Variants in GRID1 observed in about 807,000 individuals in gnomAD.
The protein encoded by GRID1 is glutamate receptor ionotropic, delta-1.
Under a neutral mutation model 98.0 loss-of-function variants are expected in GRID1, and 28 were observed. The ratio of observed to expected loss-of-function variants is 0.29; its 90% CI spans 0.21 to 0.39. The LOEUF (loss-of-function observed/expected upper bound fraction) is 0.39, where lower values mean the gene tolerates loss of function less well. Among genes scored for constraint, GRID1 ranks in the 10% least tolerant of loss-of-function variants. The probability of loss-of-function intolerance (pLI) is 1.00; values close to 1 mark genes in which losing one functional copy is unlikely to be tolerated. For missense variants in GRID1, 1,111 were observed against 1,340.5 expected (o/e 0.83, Z 2.67); for synonymous variants, 553 against 538.5 (o/e 1.03, Z -0.37).
At chr10:85,936,388 T>A (rs1841925878) in intron 4 of GRID1, among the ~76,000 whole-genome samples, 1 of 152,244 alleles carries the variant, frequency 6.6e-6, no homozygotes, top group Non-Finnish European at 1.5e-5. Flanking sequence ...AGAGCTGATA[T>A]AAGAGGCAGC....
intron 2 of GRID1, among the ~76,000 whole-genome samples, chr10:86,227,796 A>C (rs950783326): frequency 3.3e-5 from 5 of 151,992 alleles, no homozygotes; most frequent in Non-Finnish European, 5.9e-5. Flanking sequence ...TGCTCCATGC[A>C]CCGTTCCCAC....
At chr10:86,027,713 A>G (rs912689428) in intron 4 of GRID1, among the ~76,000 whole-genome samples, 16 of 152,182 alleles carry the variant, frequency 1.1e-4, no homozygotes, top group African/African-American at 3.9e-4. Flanking sequence ...GCCACAGCTG[A>G]CGGCTTCCAG....
At chr10:85,994,757 G>A (rs1167694272) in intron 4 of GRID1, among the ~76,000 whole-genome samples, 1 of 152,136 alleles carries the variant, frequency 6.6e-6, no homozygotes, top group Non-Finnish European at 1.5e-5. Flanking sequence ...GAAAAGAGTA[G>A]GTAAGATGGC....
intron 2 of GRID1, among the ~76,000 whole-genome samples, chr10:86,355,976 G>A (rs921289554): frequency 1.3e-5 from 2 of 152,230 alleles, no homozygotes; most frequent in South Asian, 2.1e-4. Flanking sequence ...GTCCAGCTAC[G>A]GGGACAGGGG....
intron 8 of GRID1, among the ~76,000 whole-genome samples, chr10:85,741,613 T>C (rs1841943802): frequency 6.6e-6 from 1 of 152,158 alleles, no homozygotes; most frequent in African/African-American, 2.4e-5. Flanking sequence ...TCAGTTTCTT[T>C]TTTATGCACT....
chr10:85,963,314 C>T (rs1842294258), intron 4 of GRID1, among the ~76,000 whole-genome samples: 1 of 152,152 alleles, frequency 6.6e-6, no homozygotes, highest in African/African-American at 2.4e-5. Context: ...CTTCCTTTCT[C>T]CACTGCCACT....
At chr10:85,940,250 T>G (rs1277611746) in intron 4 of GRID1, among the ~76,000 whole-genome samples, 4 of 152,110 alleles carry the variant, frequency 2.6e-5, no homozygotes, top group African/African-American at 4.8e-5. Context: ...TCCCCAAGAC[T>G]CTCTTGTTTT....
intron 9 of GRID1, 59 bp downstream of exon 9, chr10:85,729,454 C>G: frequency 1.1e-6 from 1 of 941,914 alleles, no homozygotes; most frequent in South Asian, 1.4e-5. Context: ...CAGAAAGCAG[C>G]CTCTGATTCA....
At chr10:85,883,967 C>G (rs1841075696) in intron 5 of GRID1, among the ~76,000 whole-genome samples, 1 of 152,140 alleles carries the variant, frequency 6.6e-6, no homozygotes, top group Non-Finnish European at 1.5e-5. Context: ...TCTCATCAGG[C>G]TCCACATTTG....
intron 3 of GRID1, among the ~76,000 whole-genome samples, chr10:86,177,281 A>G (rs1845588724): frequency 6.6e-6 from 1 of 151,962 alleles, no homozygotes; most frequent in African/African-American, 2.4e-5. Context: ...TCTTTTCCCT[A>G]CTCCCTCCAA....
At chr10:86,106,523 G>C (rs1844389270) in intron 4 of GRID1, among the ~76,000 whole-genome samples, 1 of 151,816 alleles carries the variant, frequency 6.6e-6, no homozygotes, top group African/African-American at 2.4e-5. Context: ...CCTGCTTCAG[G>C]TGTGGGGATG....
chr10:86,094,367 A>T (rs1844190918), intron 4 of GRID1, among the ~76,000 whole-genome samples: 1 of 152,198 alleles, frequency 6.6e-6, no homozygotes, highest in South Asian at 2.1e-4. Context: ...CAAGAGAAAG[A>T]AATAAAGGGC....
intron 2 of GRID1, among the ~76,000 whole-genome samples, chr10:86,328,356 A>T (rs1848083384): frequency 6.6e-6 from 1 of 152,162 alleles, no homozygotes; most frequent in South Asian, 2.1e-4. Flanking sequence ...TTTCATAATG[A>T]GATGTGTTTG....
At chr10:86,285,201 A>G (rs893523674) in intron 2 of GRID1, among the ~76,000 whole-genome samples, 5 of 151,620 alleles carry the variant, frequency 3.3e-5, no homozygotes, top group African/African-American at 4.9e-5. Context: ...TCCACAGCCT[A>G]TGAGGCCCTG....
intron 5 of GRID1, among the ~76,000 whole-genome samples, chr10:85,881,170 A>C (rs947766872): frequency 3.9e-5 from 6 of 152,246 alleles, no homozygotes; most frequent in Non-Finnish European, 7.3e-5. Flanking sequence ...GCTAGGAAGA[A>C]TCAATATCGT....
intron 2 of GRID1, among the ~76,000 whole-genome samples, chr10:86,220,858 G>A (rs1314426106): frequency 6.6e-6 from 1 of 152,234 alleles, no homozygotes; most frequent in Non-Finnish European, 1.5e-5. Context: ...CCAGGTGTCG[G>A]GGGTGCGCCA....
chr10:86,052,218 A>G lies in GRID1; in HGVS notation c.726+86601T>C, dbSNP rs866258226. 3.3e-5 allele frequency among the ~76,000 whole-genome samples: 5 copies of G among 152,352 alleles called. No individual in the cohort carries two copies. The Middle Eastern group carries it at 0.014, about 415-fold the overall frequency. The stretch of plus-strand genomic sequence containing the variant: ...ACATAGCATACCTGTATTTGCATAC[A>G]GAAGTGAAGGAATGTGAATTTATAC... On this transcript the variant is annotated intron_variant, in intron 4 of 15. Coordinates refer to ENST00000327946, the MANE Select transcript of GRID1 (RefSeq NM_017551.3).
At chr10:85,977,016 C>T (rs1842481526) in intron 4 of GRID1, among the ~76,000 whole-genome samples, 1 of 152,210 alleles carries the variant, frequency 6.6e-6, no homozygotes, top group South Asian at 2.1e-4. Flanking sequence ...TCTTCTACCT[C>T]TGACAAGGCC....
chr10:85,975,233 C>T (rs942289601), intron 4 of GRID1, among the ~76,000 whole-genome samples: 2 of 152,196 alleles, frequency 1.3e-5, no homozygotes, highest in Admixed American at 6.5e-5. Flanking sequence ...CTGCACAACC[C>T]GAAAAGCCAT....
Sources: gnomAD v4.1 joint callset for allele counts (sites outside exome capture counted in the v4.1 genomes callset) on GRCh38, gnomAD v4.1.1 for gene constraint, MANE v1.5 for transcripts, NCBI Gene and HGNC (gene_info 2026-07-23, HGNC 2026-07-21) for gene names.